Variants in BCLAF1 observed in about 807,000 individuals in gnomAD.
BCLAF1 encodes the protein BCL2 associated transcription factor 1, also known as bcl-2-associated transcription factor 1.
In BCLAF1, 10 loss-of-function variants were observed where a neutral mutation model predicts 99.5. That is an observed-to-expected ratio of 0.10 (90% CI 0.06 to 0.17). The LOEUF (loss-of-function observed/expected upper bound fraction) is 0.17, where lower values mean the gene tolerates loss of function less well. Ranked by LOEUF, BCLAF1 falls within the 10% of genes least tolerant of loss-of-function variation. The probability of loss-of-function intolerance (pLI) is 1.00; values close to 1 mark genes in which losing one functional copy is unlikely to be tolerated. For synonymous variants in BCLAF1, 255 were observed against 370.9 expected, an observed-to-expected ratio of 0.69 and a Z score of 3.59; for missense variants, 636 against 1,105.8, an observed-to-expected ratio of 0.58 and a Z score of 6.02.
chr6:136,273,951 T>C (rs1782905985), intron 6 of BCLAF1: 1 of 1,194,030 alleles, frequency 8.4e-7, no homozygotes, highest in African/African-American at 1.6e-5. Flanking sequence ...CATACATCTG[T>C]TGTCAACTTA....
At chr6:136,268,779 A>G (rs1401391448) in intron 9 of BCLAF1, 1 of 169,372 alleles carries the variant, frequency 5.9e-6, no homozygotes, top group Non-Finnish European at 1.3e-5. Context: ...TAAAAAGCAT[A>G]TGACATTACA....
At chr6:136,279,598 G>A in intron 3 of BCLAF1, 165 bp downstream of exon 3, 2 of 697,622 alleles carry the variant, frequency 2.9e-6, no homozygotes, top group Non-Finnish European at 3.9e-6. Flanking sequence ...CTTGTTACCT[G>A]GACATTCTCA....
At position 136,259,308 on chromosome 6, in the gene BCLAF1, A is replaced by T. The variant is rs1780694771; in HGVS notation, c.*1802T>A. On this transcript the variant is annotated 3_prime_UTR_variant, in exon 13 of 13. Coordinates refer to ENST00000531224, the MANE Select transcript of BCLAF1 (RefSeq NM_014739.3). Reference sequence around the variant, plus strand: ...TACATAATTTCTCAGATCCCCTTTTACCTATTGTCTTAAGTGGATAAGCAC... The same window carrying T: ...TACATAATTTCTCAGATCCCCTTTTTCCTATTGTCTTAAGTGGATAAGCAC... 6.6e-6 allele frequency: 1 copy of T among 152,018 alleles called. No individual in the cohort carries two copies. The highest frequency in any genetic ancestry group is 1.5e-5 in the Non-Finnish European group (1 of 67,894). 9.4% of individuals were successfully genotyped at this position (152,018 alleles called of 1,614,324 possible). A position where few individuals can be genotyped will look rare whatever the true frequency, so the allele number is the denominator to read the frequency against.
rs1203552296 is a variant in BCLAF1 at position 136,258,947 on chromosome 6, A to G, written c.*2163T>C. Reference sequence around the variant, plus strand: ...TCTCTAGGCAAAACAAAGTATGTTAACGCAGGTATCAGTGAGTTATTTCCT... The same window carrying G: ...TCTCTAGGCAAAACAAAGTATGTTAGCGCAGGTATCAGTGAGTTATTTCCT... On this transcript the variant is annotated 3_prime_UTR_variant, in exon 13 of 13. Coordinates refer to ENST00000531224, the MANE Select transcript of BCLAF1 (RefSeq NM_014739.3). 6.6e-6 allele frequency: 1 copy of G among 152,496 alleles called. No individual in the cohort carries two copies. The highest frequency in any genetic ancestry group is 1.5e-5 in the Non-Finnish European group (1 of 67,908). The allele number at this position is 152,496 out of a possible 1,614,324, so 9.4% of individuals were successfully genotyped here.
intron 1 of BCLAF1, among the ~76,000 whole-genome samples, chr6:136,287,571 T>G (rs1785316711): frequency 6.6e-6 from 1 of 152,218 alleles, no homozygotes; most frequent in African/African-American, 2.4e-5. Context: ...CACTGTAAAT[T>G]ACACAGCTGA....
At position 136,276,176 on chromosome 6, in the gene BCLAF1, C is replaced by T; in HGVS notation, c.1349G>A (p.Ser450Asn). Residue 450 changes from serine (S) to asparagine (N), a missense_variant, in exon 5 of 13, where the codon AGT becomes AAT. Around this residue, in one of 9 missense-constraint regions of BCLAF1, gnomAD observed 186 missense variants for 275.3 expected, o/e 0.68. Transcript: ENST00000531224. Reference sequence around the variant, plus strand: ...ATTTTTTTCTTCTCTAAATCCATCACTTTCTCTATTGCCTTTCAGTGAAAC... The same window carrying T: ...ATTTTTTTCTTCTCTAAATCCATCATTTTCTCTATTGCCTTTCAGTGAAAC... ...SKVSLKGNRE[S>N]DGFREEKNYK... 1.2e-6 allele frequency: 2 copies of T among 1,612,996 alleles called. No individual in the cohort carries two copies. The highest frequency in any genetic ancestry group is 2.2e-5 in the South Asian group (2 of 90,934).
At position 136,257,790 on chromosome 6, in the gene BCLAF1, C is replaced by T. The variant is rs1780542304; in HGVS notation, c.*3320G>A. 1 of 152,222 alleles carries T rather than the reference C, an allele frequency of 6.6e-6. No homozygotes were observed. Among genetic ancestry groups the T allele is most frequent in the Non-Finnish European group, 1.5e-5 (1 of 67,942 alleles). 9.4% of individuals were successfully genotyped at this position (152,222 alleles called of 1,614,324 possible). On this transcript the variant is annotated 3_prime_UTR_variant, in exon 13 of 13. Transcript: ENST00000531224. ...TAAATTGAGAAAGGCCTCTGAACTT[C>T]TCTTTCTGGATGTGAAAGTCTATTA... is the stretch of plus-strand genomic sequence containing the variant.
At chr6:136,262,256 G>A (rs1781109071) in intron 11 of BCLAF1, among the ~76,000 whole-genome samples, 1 of 152,084 alleles carries the variant, frequency 6.6e-6, no homozygotes, top group Non-Finnish European at 1.5e-5. Context: ...CATACAAAAG[G>A]CCAAGGGAGT....
At position 136,278,471 on chromosome 6, in the gene BCLAF1, C is replaced by T. The variant is rs191698395; in HGVS notation, c.410G>A (p.Arg137Lys). 12 of 1,609,380 alleles carry T rather than the reference C, an allele frequency of 7.5e-6. No individual in the cohort carries two copies. The Admixed American group carries it at 1.9e-4, about 25-fold the overall frequency. ...SRSRRSYRSS[R>K]SPRSSSSRSS... ...ACGAGAAGAGGATGATCTTGGAGAC[C>T]TAGAAGATCTATATGACCGGCGAGA... The change falls in exon 4 of 13, where the codon AGG (arginine) becomes AAG (lysine). Residue 137 changes from arginine (R) to lysine (K), a missense_variant. Coordinates refer to ENST00000531224, the MANE Select transcript of BCLAF1 (RefSeq NM_014739.3).
chr6:136,267,247 ACTGCAGT>A, intron 10 of BCLAF1, 72 bp from the exon 11 acceptor site: 2 of 1,492,222 alleles, frequency 1.3e-6, no homozygotes, highest in South Asian at 1.2e-5. Context: ...TTCTAATTTT[ACTGCAGT>A]AACAAAAAAC....
At position 136,261,273 on chromosome 6, in the gene BCLAF1, C is replaced by T. The variant is rs1303927506; in HGVS notation, c.2749G>A (p.Glu917Lys). The change falls in exon 12 of 13, where the codon GAA becomes AAA. Residue 917 changes from glutamate (E) to lysine (K), a missense_variant. Glu to Lys is a moderately conservative substitution (Grantham distance 56). Around this residue, in one of 9 missense-constraint regions of BCLAF1, gnomAD observed 57 missense variants for 116.7 expected, o/e 0.49. Coordinates refer to ENST00000531224, the MANE Select transcript of BCLAF1 (RefSeq NM_014739.3). ...NNEEKKDRRKEEKE is the reference protein window; with the variant it reads ...NNEEKKDRRKKEKE ...AAGTTGAAATTTTATACCTTTTCTT[C>T]CTTGCGTCTGTCCTTCTTTTCTTCA... 5.0e-6 allele frequency: 8 copies of T among 1,612,880 alleles called. No individual in the cohort carries two copies. Among genetic ancestry groups the T allele is most frequent in the South Asian group, 1.1e-5 (1 of 90,720 alleles).
chr6:136,284,865 G>A (rs1356358333), intron 1 of BCLAF1, among the ~76,000 whole-genome samples: 4 of 152,128 alleles, frequency 2.6e-5, no homozygotes, highest in Non-Finnish European at 5.9e-5. Flanking sequence ...ACATGCAGAG[G>A]AGGTGGGCAG....
chr6:136,277,258 G>C (rs1783562393), intron 4 of BCLAF1, among the ~76,000 whole-genome samples: 1 of 152,130 alleles, frequency 6.6e-6, no homozygotes, highest in Non-Finnish European at 1.5e-5. Flanking sequence ...GTATAGTCAG[G>C]CTGAAATCAT....
At chr6:136,287,293 G>A (rs566218278) in intron 1 of BCLAF1, among the ~76,000 whole-genome samples, 2 of 152,276 alleles carry the variant, frequency 1.3e-5, no homozygotes, top group Non-Finnish European at 2.9e-5. Context: ...CCGGGCTACA[G>A]AGCGAGTCTC....
Position 136,256,669 on chromosome 6 carries a change from C to CAATAAATAAATAAATA in BCLAF1, c.*4425_*4440dup, listed in dbSNP as rs35195968. On this transcript the variant is annotated 3_prime_UTR_variant, in exon 13 of 13. Transcript: ENST00000531224. ...CTCTAGTCTGGGTAAGACTCCATCT[C>CAATAAATAAATAAATA]AATAAATAAATAAATAAATAAATAA... 2,005 of 152,598 alleles carry CAATAAATAAATAAATA rather than the reference C, an allele frequency of 0.013. 34 individuals are homozygous for CAATAAATAAATAAATA. The highest frequency in any genetic ancestry group is 0.046 in the East Asian group (239 of 5,204). The allele number at this position is 152,598 out of a possible 1,614,324, so 9.5% of individuals were successfully genotyped here.
At chr6:136,266,986 A>T in intron 11 of BCLAF1, 43 bp downstream of exon 11, 1 of 1,607,616 alleles carries the variant, frequency 6.2e-7, no homozygotes, top group Non-Finnish European at 8.5e-7. Context: ...GTATGCTTCG[A>T]AAATTAATGC....
intron 2 of BCLAF1, among the ~76,000 whole-genome samples, chr6:136,280,406 T>C (rs1784218447): frequency 6.6e-6 from 1 of 152,112 alleles, no homozygotes; most frequent in Admixed American, 6.6e-5. Flanking sequence ...TACTAGATAG[T>C]ATCCTAGAAC....
chr6:136,271,980 C>T lies in BCLAF1; in HGVS notation c.2043+15G>A. On this transcript the variant is annotated intron_variant, in intron 8 of 12. Transcript: ENST00000531224. ...CTGAACTTAACACGAAAAAAAATTACATTCAAAAACATACCTTTTGATTTT... is the reference window on the plus strand; with the variant it reads ...CTGAACTTAACACGAAAAAAAATTATATTCAAAAACATACCTTTTGATTTT... 38 of 1,569,400 alleles carry T rather than the reference C, an allele frequency of 2.4e-5. No individual in the cohort carries two copies. Among genetic ancestry groups the T allele is most frequent in the Non-Finnish European group, 3.3e-5 (38 of 1,145,830 alleles).
chr6:136,269,092 T>C (rs1782154184), intron 9 of BCLAF1: 1 of 1,143,904 alleles, frequency 8.7e-7, no homozygotes, highest in Non-Finnish European at 1.1e-6. Flanking sequence ...CTCTGGGTGT[T>C]ATGAGTTGAA....
Sources: allele counts gnomAD v4.1 joint callset (sites outside exome capture counted in the v4.1 genomes callset), GRCh38; gene constraint gnomAD v4.1.1; regional missense constraint gnomAD v4.1.1; transcripts MANE v1.5; gene names NCBI Gene and HGNC (gene_info 2026-07-23, HGNC 2026-07-21).